Variants in NXPE2 observed in about 807,000 individuals in gnomAD.
NXPE2 encodes neurexophilin and PC-esterase domain family member 2, also known as NXPE family member 2.
NXPE2 carries 34 observed loss-of-function variants against 34.4 expected under a neutral mutation model. The ratio of observed to expected loss-of-function variants is 0.99; its 90% CI spans 0.75 to 1.31. NXPE2 has a LOEUF of 1.31. Ranked by LOEUF, NXPE2 falls within the 40% of genes most tolerant of loss-of-function variation. The probability of loss-of-function intolerance (pLI) is 0.00; values close to 1 mark genes in which losing one functional copy is unlikely to be tolerated. For synonymous variants in NXPE2, 235 were observed against 231.3 expected, an observed-to-expected ratio of 1.02 and a Z score of -0.15; for missense variants, 649 against 672.5, an observed-to-expected ratio of 0.97 and a Z score of 0.39.
chr11:114,476,872 G>T, the NXPE2 span, among the ~76,000 whole-genome samples: 1 of 152,138 alleles, frequency 6.6e-6, no homozygotes, highest in Non-Finnish European at 1.5e-5. Context: ...TTGAAGGGAG[G>T]ACGAGCTGGT....
chr11:114,524,486 T>G, the NXPE2 span, among the ~76,000 whole-genome samples: 1 of 152,192 alleles, frequency 6.6e-6, no homozygotes, highest in Non-Finnish European at 1.5e-5. Context: ...AAAGTGCACT[T>G]GGAATAGCTC....
the NXPE2 span, chr11:114,530,877 A>G: frequency 2.5e-6 from 4 of 1,612,824 alleles, no homozygotes; most frequent in Non-Finnish European, 3.4e-6. Flanking sequence ...CCAGTAATGG[A>G]CAGAGATGGA....
the NXPE2 span, among the ~76,000 whole-genome samples, chr11:114,712,166 C>A: frequency 6.6e-6 from 1 of 152,018 alleles, no homozygotes; most frequent in Admixed American, 6.6e-5. Context: ...CAAGTGAAGT[C>A]CTAAATGTAA....
At chr11:114,757,929 T>C in the NXPE2 span, among the ~76,000 whole-genome samples, 148,380 of 152,296 alleles carry the variant, frequency 0.97, 72,395 homozygotes, top group Middle Eastern at 1. Flanking sequence ...GGCCAGGATT[T>C]ATTGGGGAGG....
chr11:114,781,266 A>C, the NXPE2 span, among the ~76,000 whole-genome samples: 1 of 152,134 alleles, frequency 6.6e-6, no homozygotes, highest in Non-Finnish European at 1.5e-5. Flanking sequence ...CCTGTGGGTA[A>C]GTTCAGCTAG....
chr11:114,811,012 A>T, the NXPE2 span, among the ~76,000 whole-genome samples: 1 of 152,144 alleles, frequency 6.6e-6, no homozygotes, highest in African/African-American at 2.4e-5. Context: ...GCCATAAAAA[A>T]TGATGAGTTC....
chr11:114,716,818 AT>A, the NXPE2 span, among the ~76,000 whole-genome samples: 1 of 152,122 alleles, frequency 6.6e-6, no homozygotes, highest in Non-Finnish European at 1.5e-5. Flanking sequence ...TTAATGTTCC[AT>A]ACTTTAAGCA....
At chr11:114,776,347 G>A in the NXPE2 span, among the ~76,000 whole-genome samples, 12 of 152,382 alleles carry the variant, frequency 7.9e-5, no homozygotes, top group South Asian at 2.3e-3. Context: ...TGTTTCCACC[G>A]AGCTCTCCAG....
the NXPE2 span, among the ~76,000 whole-genome samples, chr11:114,714,627 TCAGG>T: frequency 6.6e-6 from 1 of 152,258 alleles, no homozygotes; most frequent in Non-Finnish European, 1.5e-5. Context: ...GGCTTCATTT[TCAGG>T]CAGGTTCTTT....
At chr11:114,692,566 G>A (rs1951173081) in intron 2 of NXPE2, among the ~76,000 whole-genome samples, 1 of 152,182 alleles carries the variant, frequency 6.6e-6, no homozygotes, top group Non-Finnish European at 1.5e-5. Context: ...CAAATGGGTT[G>A]AGGTTTTCTC....
At chr11:114,691,568 C>T (rs1189392073) in intron 2 of NXPE2, among the ~76,000 whole-genome samples, 2 of 139,732 alleles carry the variant, frequency 1.4e-5, no homozygotes, top group Admixed American at 7.1e-5. Context: ...GTGGTGGAGA[C>T]ACTGGAGAAG....
chr11:114,633,016 A>ATT, the NXPE2 span, among the ~76,000 whole-genome samples: 2 of 107,038 alleles, frequency 1.9e-5, no homozygotes, highest in Non-Finnish European at 3.4e-5. Context: ...TATATTATAT[A>ATT]ATATATAATG....
In NXPE2 at chr11:114,679,861, C is replaced by A. The variant is rs951281252; in HGVS notation, c.132+99C>A. 1.3e-5 allele frequency: 9 copies of A among 691,204 alleles called. No homozygotes were observed. In the Admixed American group the frequency reaches 1.7e-4, roughly 13 times the overall value. The allele number at this position is 691,204 out of a possible 1,614,324, so 42.8% of individuals were successfully genotyped here. A position where few individuals can be genotyped will look rare whatever the true frequency, so the allele number is the denominator to read the frequency against. On this transcript the variant is annotated intron_variant, in intron 2 of 5. Coordinates refer to ENST00000389586, the MANE Select transcript of NXPE2 (RefSeq NM_182495.6). Reference sequence around the variant, plus strand: ...CAAGAAATAAAAGTTAAAAGCATATCATCTTAGCAGGAGAATGTGGATCAG... The same window carrying A: ...CAAGAAATAAAAGTTAAAAGCATATAATCTTAGCAGGAGAATGTGGATCAG...
At chr11:114,607,559 G>A in the NXPE2 span, among the ~76,000 whole-genome samples, 25 of 152,108 alleles carry the variant, frequency 1.6e-4, no homozygotes, top group East Asian at 1.5e-3. Flanking sequence ...GTATTGCCTC[G>A]TGGGTAACCA....
chr11:114,613,124 GATA>G, the NXPE2 span, among the ~76,000 whole-genome samples: 1 of 151,510 alleles, frequency 6.6e-6, no homozygotes, highest in South Asian at 2.1e-4. Flanking sequence ...TAACCAGGTG[GATA>G]ATAAGTACTG....
At chr11:114,744,269 C>G in the NXPE2 span, among the ~76,000 whole-genome samples, 1 of 152,178 alleles carries the variant, frequency 6.6e-6, no homozygotes, top group East Asian at 1.9e-4. Context: ...ACGTCTGTTA[C>G]TCAGATGTGA....
chr11:114,689,630 A>T (rs1158182164), intron 2 of NXPE2, among the ~76,000 whole-genome samples: 1 of 151,996 alleles, frequency 6.6e-6, no homozygotes, highest in East Asian at 1.9e-4. Flanking sequence ...TTAAGCCGAG[A>T]ATTTCTTTGT....
the NXPE2 span, among the ~76,000 whole-genome samples, chr11:114,615,560 C>T: frequency 2.0e-5 from 3 of 151,826 alleles, no homozygotes; most frequent in Admixed American, 1.3e-4. Context: ...AGTGTTGCTT[C>T]GTGGGTAACC....
the NXPE2 span, among the ~76,000 whole-genome samples, chr11:114,561,561 T>G: frequency 2.0e-5 from 3 of 152,220 alleles, no homozygotes; most frequent in Non-Finnish European, 4.4e-5. Context: ...TACATATTTT[T>G]TCTTCCTAAA....
Sources: gnomAD v4.1 joint callset for allele counts (sites outside exome capture counted in the v4.1 genomes callset) on GRCh38, gnomAD v4.1.1 for gene constraint, MANE v1.5 for transcripts, NCBI Gene and HGNC (gene_info 2026-07-23, HGNC 2026-07-21) for gene names.